PTPRD: variants seen among roughly 807,000 people sequenced by gnomAD.
PTPRD encodes receptor-type tyrosine-protein phosphatase delta.
Under a neutral mutation model 214.5 loss-of-function variants are expected in PTPRD, and 34 were observed. The observed-to-expected ratio is 0.16, with a 90% CI of 0.12 to 0.21. PTPRD has a LOEUF of 0.21. Ranked by LOEUF, PTPRD falls within the 10% of genes least tolerant of loss-of-function variation. PTPRD has a pLI of 1.00. For synonymous variants in PTPRD, 1,128 were observed against 845.7 expected (o/e 1.33, Z -5.79); for missense variants, 2,545 against 2,398.7 (o/e 1.06, Z -1.27).
intron 3 of PTPRD, among the ~76,000 whole-genome samples, chr9:10,142,440 C>T (rs923319224): frequency 6.7e-6 from 1 of 149,530 alleles, no homozygotes; most frequent in Non-Finnish European, 1.5e-5. Flanking sequence ...AAAAAACAAA[C>T]AACTCCATCA....
chr9:9,394,486 T>C (rs1240192706), intron 9 of PTPRD, among the ~76,000 whole-genome samples: 5 of 152,172 alleles, frequency 3.3e-5, no homozygotes, highest in Admixed American at 2.6e-4. Context: ...TGAGTTTGAA[T>C]CTCAGTTCTA....
intron 3 of PTPRD, among the ~76,000 whole-genome samples, chr9:10,177,650 G>A (rs1323454157): frequency 6.6e-6 from 1 of 151,860 alleles, no homozygotes; most frequent in Non-Finnish European, 1.5e-5. Flanking sequence ...GAAATTATGT[G>A]AATGAATTGG....
chr9:9,505,581 A>C (rs1159887481), intron 8 of PTPRD, among the ~76,000 whole-genome samples: 1 of 151,446 alleles, frequency 6.6e-6, no homozygotes, highest in Non-Finnish European at 1.5e-5. Context: ...ATGGCTCAAG[A>C]AGCAAAGGAT....
intron 5 of PTPRD, among the ~76,000 whole-genome samples, chr9:9,894,441 A>G (rs948587764): frequency 6.6e-6 from 1 of 151,980 alleles, no homozygotes; most frequent in Non-Finnish European, 1.5e-5. Context: ...CTTTAATCAG[A>G]TTTTTTAAAT....
intron 11 of PTPRD, among the ~76,000 whole-genome samples, chr9:8,863,404 G>T (rs1454045051): frequency 2.6e-5 from 4 of 152,184 alleles, no homozygotes; most frequent in Non-Finnish European, 5.9e-5. Context: ...AGCAAGAAGT[G>T]AAGGGAGAAA....
At chr9:10,555,942 G>A (rs1019923883) in intron 2 of PTPRD, among the ~76,000 whole-genome samples, 2 of 152,094 alleles carry the variant, frequency 1.3e-5, no homozygotes, top group African/African-American at 4.8e-5. Flanking sequence ...AGAAAATACA[G>A]GGAAATGTAT....
Position 10,371,493 on chromosome 9 carries a change from C to G in PTPRD, c.-599-30476G>C, listed in dbSNP as rs138074698. Among the ~76,000 whole-genome samples the G allele has an allele frequency of 3.0e-4, 46 of 152,184 alleles. No individual in the cohort carries two copies. In the East Asian group the frequency reaches 7.0e-3, roughly 23 times the overall value. ...ATATCTGGTATTAGCTACCAGAGCACTTTGTCCTCCTGCTCCAAACTGAAC... is the reference window on the plus strand; with the variant it reads ...ATATCTGGTATTAGCTACCAGAGCAGTTTGTCCTCCTGCTCCAAACTGAAC... On this transcript the variant is annotated intron_variant, in intron 2 of 45. Transcript: ENST00000381196.
intron 3 of PTPRD, among the ~76,000 whole-genome samples, chr9:10,289,560 A>G (rs1482860915): frequency 1.3e-5 from 2 of 152,108 alleles, no homozygotes; most frequent in East Asian, 3.9e-4. Flanking sequence ...TGCTTCCCCT[A>G]CCGCCCCGCC....
At chr9:8,963,469 G>A (rs756295928) in intron 11 of PTPRD, among the ~76,000 whole-genome samples, 2 of 152,068 alleles carry the variant, frequency 1.3e-5, no homozygotes, top group African/African-American at 2.4e-5. Context: ...AAACATGTAG[G>A]GATGTTGGAT....
chr9:10,425,421 T>A (rs192946676), intron 2 of PTPRD, among the ~76,000 whole-genome samples: 5 of 152,082 alleles, frequency 3.3e-5, no homozygotes, highest in Non-Finnish European at 5.9e-5. Context: ...TGTGAAAACA[T>A]AGAGCAACCT....
intron 8 of PTPRD, among the ~76,000 whole-genome samples, chr9:9,469,466 A>C (rs988095713): frequency 6.6e-6 from 1 of 152,116 alleles, no homozygotes; most frequent in Admixed American, 6.6e-5. Context: ...TGTGGTTAAA[A>C]ACCCATCTAC....
chr9:8,507,241 A>G, intron 22 of PTPRD, 60 bp downstream of exon 22: 1 of 1,567,232 alleles, frequency 6.4e-7, no homozygotes, highest in South Asian at 1.2e-5. Context: ...AATACACAAA[A>G]ATAAAAAAGT....
intron 9 of PTPRD, among the ~76,000 whole-genome samples, chr9:9,287,882 G>A (rs1029613858): frequency 1.3e-5 from 2 of 151,582 alleles, no homozygotes; most frequent in African/African-American, 4.8e-5. Flanking sequence ...CAGTAAAAAT[G>A]AGTTCATTTA....
chr9:8,961,673 C>T (rs2099159514), intron 11 of PTPRD, among the ~76,000 whole-genome samples: 1 of 152,106 alleles, frequency 6.6e-6, no homozygotes, highest in Non-Finnish European at 1.5e-5. Flanking sequence ...TTAGTTTCCA[C>T]TGCCTGCTAG....
At chr9:10,169,284 C>T (rs1388519611) in intron 3 of PTPRD, among the ~76,000 whole-genome samples, 1 of 151,502 alleles carries the variant, frequency 6.6e-6, no homozygotes, top group African/African-American at 2.4e-5. Context: ...ACCATCCTGG[C>T]TAACACAGTG....
chr9:8,790,313 G>A (rs1259297921), intron 11 of PTPRD, among the ~76,000 whole-genome samples: 1 of 151,904 alleles, frequency 6.6e-6, no homozygotes, highest in Non-Finnish European at 1.5e-5. Flanking sequence ...GCTGCACTTG[G>A]CCTCATTTAT....
At chr9:8,414,927 G>A (rs1295399448) in intron 35 of PTPRD, among the ~76,000 whole-genome samples, 1 of 66,000 alleles carries the variant, frequency 1.5e-5, no homozygotes, top group Non-Finnish European at 2.9e-5. Flanking sequence ...GAGAGAGGGA[G>A]GGGGAGAGAG....
chr9:9,784,877 C>T (rs959310972), intron 5 of PTPRD, among the ~76,000 whole-genome samples: 11 of 146,852 alleles, frequency 7.5e-5, no homozygotes, highest in Admixed American at 1.4e-4. Context: ...TACACACACA[C>T]ACGCACACAC....
intron 8 of PTPRD, among the ~76,000 whole-genome samples, chr9:9,494,871 A>G (rs2096095565): frequency 6.6e-6 from 1 of 152,196 alleles, no homozygotes; most frequent in South Asian, 2.1e-4. Context: ...TCTTGAAAAG[A>G]AAGAAGAAAA....
Sources: allele counts gnomAD v4.1 joint callset (sites outside exome capture counted in the v4.1 genomes callset), GRCh38; gene constraint gnomAD v4.1.1; transcripts MANE v1.5; gene names NCBI Gene and HGNC (gene_info 2026-07-23, HGNC 2026-07-21).